Variants in CFAP90 observed in about 807,000 individuals in gnomAD.
The protein encoded by CFAP90 is cilia- and flagella-associated protein 90.
At chr5:7,830,852 G>A in the CFAP90 span, 3 of 152,146 alleles carry the variant, frequency 2.0e-5, no homozygotes, top group Non-Finnish European at 4.4e-5. Flanking sequence ...TTTAATACTT[G>A]GGTAAGTTTC....
At chr5:7,849,889 C>G in the CFAP90 span, among the ~76,000 whole-genome samples, 22 of 152,278 alleles carry the variant, frequency 1.4e-4, no homozygotes, top group African/African-American at 5.3e-4. Context: ...TCCTTGCTAG[C>G]CTGGGCCTGC....
chr5:7,838,226 A>G, the CFAP90 span, among the ~76,000 whole-genome samples: 1 of 152,276 alleles, frequency 6.6e-6, no homozygotes, highest in African/African-American at 2.4e-5. Flanking sequence ...AAAACCCATT[A>G]GAAAACTCGT....
chr5:7,844,436 A>G, the CFAP90 span, among the ~76,000 whole-genome samples: 26 of 152,352 alleles, frequency 1.7e-4, no homozygotes, highest in East Asian at 2.9e-3. Flanking sequence ...TTCATGCAAC[A>G]GGTATTTATG....
At chr5:7,833,296 C>G in the CFAP90 span, among the ~76,000 whole-genome samples, 1 of 152,106 alleles carries the variant, frequency 6.6e-6, no homozygotes, top group African/African-American at 2.4e-5. Flanking sequence ...CATGCATGTA[C>G]ACACATATGT....
At chr5:7,838,009 A>G in the CFAP90 span, among the ~76,000 whole-genome samples, 349 of 152,286 alleles carry the variant, frequency 2.3e-3, 1 homozygote, top group Non-Finnish European at 3.7e-3. Flanking sequence ...GGATGTGTTC[A>G]TGTCAAACCA....
At chr5:7,834,113 G>A in the CFAP90 span, among the ~76,000 whole-genome samples, 1 of 152,086 alleles carries the variant, frequency 6.6e-6, no homozygotes, top group Admixed American at 6.6e-5. Flanking sequence ...TTCTTTAGGA[G>A]GTATTCCAGA....
chr5:7,849,783 C>A, the CFAP90 span, among the ~76,000 whole-genome samples: 1 of 151,780 alleles, frequency 6.6e-6, no homozygotes, highest in East Asian at 1.9e-4. Flanking sequence ...GCAGGCGGCT[C>A]GCCAGCTATT....
chr5:7,836,515 G>C, the CFAP90 span, among the ~76,000 whole-genome samples: 3 of 152,164 alleles, frequency 2.0e-5, no homozygotes, highest in Non-Finnish European at 4.4e-5. Flanking sequence ...CATACCATGG[G>C]CTACAGATGC....
At chr5:7,831,353 A>T in the CFAP90 span, 1 of 153,186 alleles carries the variant, frequency 6.5e-6, no homozygotes, top group Non-Finnish European at 1.5e-5. Flanking sequence ...GACAATTGTC[A>T]TCACATCTCC....
the CFAP90 span, among the ~76,000 whole-genome samples, chr5:7,845,732 C>T: frequency 6.6e-6 from 1 of 152,050 alleles, no homozygotes. Flanking sequence ...ATTTTATGGG[C>T]AAAGCCCACG....
the CFAP90 span, among the ~76,000 whole-genome samples, chr5:7,848,872 A>G: frequency 6.6e-6 from 1 of 152,048 alleles, no homozygotes; most frequent in Admixed American, 6.6e-5. Context: ...TTCTGCCATG[A>G]TTATAAGTTT....
At chr5:7,844,722 T>C in the CFAP90 span, among the ~76,000 whole-genome samples, 1 of 151,732 alleles carries the variant, frequency 6.6e-6, no homozygotes, top group Non-Finnish European at 1.5e-5. Context: ...TAATGGGGAG[T>C]TGCCTAGATA....
chr5:7,836,933 G>A, the CFAP90 span, among the ~76,000 whole-genome samples: 24 of 152,122 alleles, frequency 1.6e-4, no homozygotes, highest in Non-Finnish European at 2.8e-4. Flanking sequence ...CTTGAGGCCA[G>A]AGTGTCAGAG....
chr5:7,833,163 C>A, the CFAP90 span, among the ~76,000 whole-genome samples: 4 of 152,128 alleles, frequency 2.6e-5, no homozygotes, highest in Non-Finnish European at 5.9e-5. Context: ...ATAGAGGGAA[C>A]TATATATAAT....
the CFAP90 span, chr5:7,831,709 A>T: frequency 1.3e-6 from 1 of 781,048 alleles, no homozygotes; most frequent in Non-Finnish European, 2.1e-6. Flanking sequence ...CATGTGTCCC[A>T]CTGTAGAGAT....
the CFAP90 span, chr5:7,850,752 C>T: frequency 9.5e-6 from 10 of 1,057,510 alleles, no homozygotes; most frequent in Non-Finnish European, 1.1e-5. Flanking sequence ...GGGGTGATCC[C>T]TTCTCCCCCG....
the CFAP90 span, chr5:7,835,529 G>T: frequency 1.5e-5 from 20 of 1,355,872 alleles, no homozygotes; most frequent in Non-Finnish European, 5.2e-6. Context: ...AAAGCCATGG[G>T]TTAATTTGAA....
the CFAP90 span, chr5:7,835,389 T>C: frequency 4.5e-6 from 7 of 1,567,120 alleles, no homozygotes; most frequent in Non-Finnish European, 6.1e-6. Context: ...TACCTCTTCG[T>C]TAACATGAAG....
At chr5:7,834,253 C>T in the CFAP90 span, among the ~76,000 whole-genome samples, 2 of 151,592 alleles carry the variant, frequency 1.3e-5, no homozygotes, top group African/African-American at 4.9e-5. Flanking sequence ...CTGTGTAGGC[C>T]GAGGCTAAGG....
Sources: gnomAD v4.1 joint callset for allele counts (sites outside exome capture counted in the v4.1 genomes callset) on GRCh38, gnomAD v4.1.1 for gene constraint, MANE v1.5 for transcripts, NCBI Gene and HGNC (gene_info 2026-07-23, HGNC 2026-07-21) for gene names.